Variants in ZNF839 observed in about 807,000 individuals in gnomAD.
The protein encoded by ZNF839 is zinc finger protein 839.
Under a neutral mutation model 56.4 loss-of-function variants are expected in ZNF839, and 38 were observed. That is an observed-to-expected ratio of 0.67 (90% confidence interval 0.52 to 0.88). The LOEUF (loss-of-function observed/expected upper bound fraction) is 0.88. Among genes scored for constraint, ZNF839 ranks in the 40% least tolerant of loss-of-function variants. The pLI, the probability that ZNF839 is intolerant of heterozygous loss-of-function variation, is 0.00. For missense variants in ZNF839, 1,091 were observed against 1,177.6 expected (o/e 0.93, Z 1.08); for synonymous variants, 486 against 493.5 (o/e 0.98, Z 0.20).
chr14:102,338,854 G>C lies in ZNF839; in HGVS notation c.1698G>C (p.Lys566Asn), dbSNP rs767502454. The change falls in exon 6 of 8, where the codon AAG becomes AAC. Residue 566 changes from lysine to asparagine, a missense_variant. Lys to Asn is a moderately conservative substitution (Grantham distance 94, BLOSUM62 0). Transcript: ENST00000442396. ...TAGGAATCACAGAATTCCTACGGAAGAAAGAAATACACCCAGACAACCTTG... is the reference window on the plus strand; with the variant it reads ...TAGGAATCACAGAATTCCTACGGAACAAAGAAATACACCCAGACAACCTTG... The part of the protein sequence containing the change: ...ESLGITEFLR[K>N]KEIHPDNLGP... 6.2e-7 allele frequency: 1 copy of C among 1,613,904 alleles called. No homozygotes were observed. Among genetic ancestry groups the C allele is most frequent in the Non-Finnish European group, 8.5e-7 (1 of 1,179,866 alleles).
chr14:102,319,609 C>A, upstream of ZNF839: 1 of 1,094,286 alleles, frequency 9.1e-7, no homozygotes, highest in Non-Finnish European at 1.2e-6. This position sits in a 1 kb window ranked among gnomAD's most constrained non-coding sequence, Gnocchi z 4.5. Flanking sequence ...CGGTTGTCGG[C>A]TGGGGCGGGG....
At chr14:102,327,226 C>G (rs1416918510) in intron 2 of ZNF839, among the ~76,000 whole-genome samples, 1 of 152,076 alleles carries the variant, frequency 6.6e-6, no homozygotes, top group Non-Finnish European at 1.5e-5. Flanking sequence ...CTGCAACCTC[C>G]GCCTCCCCAG....
chr14:102,339,349 G>A (rs1250390378), intron 7 of ZNF839, 126 bp downstream of exon 7: 3 of 1,307,908 alleles, frequency 2.3e-6, no homozygotes, highest in Non-Finnish European at 3.1e-6. Flanking sequence ...GGGACCCTCT[G>A]GTTTCTCAAG....
chr14:102,336,616 G>A (rs1359600536), intron 5 of ZNF839: 1 of 427,690 alleles, frequency 2.3e-6, no homozygotes, highest in Non-Finnish European at 4.6e-6. Flanking sequence ...TTTTCTTAAA[G>A]CAATAAATGC....
intron 4 of ZNF839, chr14:102,335,425 C>A (rs1015903147): frequency 1.1e-4 from 41 of 371,350 alleles, no homozygotes; most frequent in Non-Finnish European, 1.8e-4. Context: ...CTTCCCTTCC[C>A]ACCCTGTCCA....
At chr14:102,328,375 A>AAAAAATATATATAT (rs1197718891) in intron 2 of ZNF839, among the ~76,000 whole-genome samples, 1 of 16,342 alleles carries the variant, frequency 6.1e-5, no homozygotes, top group Admixed American at 9.0e-4. Context: ...AAAAAAAAAA[A>AAAAAATATATATAT]ATATATATAT....
chr14:102,338,767 G>C, intron 5 of ZNF839, 49 bp from the exon 6 acceptor site: 3 of 1,610,554 alleles, frequency 1.9e-6, no homozygotes, highest in Non-Finnish European at 2.5e-6. Flanking sequence ...GCTTCTGGGG[G>C]TGTGTGCTGT....
chr14:102,339,183 A>G lies in ZNF839; in HGVS notation c.1887A>G (p.Arg629=). 2 of 1,612,490 alleles carry G rather than the reference A, an allele frequency of 1.2e-6. No individual in the cohort carries two copies. Among genetic ancestry groups the G allele is most frequent in the Non-Finnish European group, 1.7e-6 (2 of 1,179,190 alleles). Residue 629 remains arginine, a synonymous_variant, in exon 7 of 8, where the codon AGA becomes AGG. Transcript: ENST00000442396. The part of the protein sequence containing the change: ...DTTESLAANS[R]GREKPRPLHA... The stretch of plus-strand genomic sequence containing the variant: ...CTGAATCTCTTGCTGCCAACAGCAG[A>G]GGCCGGGAGAAGCCCAGGCCCTTGC...
Position 102,341,672 on chromosome 14 carries a change from GC to G in ZNF839, c.2279del (p.Pro760ArgfsTer21). 6.2e-7 allele frequency: 1 copy of G among 1,614,016 alleles called. No individual in the cohort carries two copies. The highest frequency in any genetic ancestry group is 8.5e-7 in the Non-Finnish European group (1 of 1,179,886). ...CATCTGGTGGTGGAGCAGAGTCCCT[GC>G]CGCCTGGGGGGCCTGGACATGCAGA... Reference protein sequence around the residue: ...LSSGGGAESLPPGGPGHAEAG... With the variant: ...LSSGGGAESLXPGGPGHAEAG... On this transcript the variant is annotated frameshift_variant, in exon 8 of 8. Transcript: ENST00000442396. LOFTEE classifies it low-confidence loss of function (END_TRUNC).
intron 1 of ZNF839, among the ~76,000 whole-genome samples, chr14:102,325,433 G>A (rs980409120): frequency 2.6e-5 from 4 of 151,862 alleles, no homozygotes; most frequent in African/African-American, 9.7e-5. Context: ...TTTTATTTAT[G>A]TATGCAGATA....
In ZNF839 at chr14:102,338,895, G is replaced by A. The variant is rs1784030405; in HGVS notation, c.1739G>A (p.Ser580Asn). Residue 580 changes from serine (S) to asparagine (N), a missense_variant, in exon 6 of 8, where the codon AGC (serine) becomes AAC (asparagine). This residue lies in a region of ZNF839 where 431 missense variants were observed against 468.0 expected (regional missense o/e 0.92). Transcript: ENST00000442396. ...HPDNLGPKHL[S>N]RDMDGEQLEG... ...GACAACCTTGGACCCAAGCACCTCAGCCGAGACATGGATGGGGAGCAGCTA... is the reference window on the plus strand; with the variant it reads ...GACAACCTTGGACCCAAGCACCTCAACCGAGACATGGATGGGGAGCAGCTA... 6.2e-7 allele frequency: 1 copy of A among 1,613,984 alleles called. No individual in the cohort carries two copies. Among genetic ancestry groups the A allele is most frequent in the Non-Finnish European group, 8.5e-7 (1 of 1,179,900 alleles).
Position 102,326,159 on chromosome 14 carries a change from C to T in ZNF839, c.463C>T (p.Pro155Ser). ...IASPQLLRVQPLVRTEPQSCF... is the reference protein window; with the variant it reads ...IASPQLLRVQSLVRTEPQSCF... ...CAGCCCTCAGCTGCTCAGGGTACAG[C>T]CGCTTGTGAGAACCGAGCCACAGTC... Residue 155 changes from proline (P) to serine (S), a missense_variant, in exon 2 of 8, where the codon CCG (proline) becomes TCG (serine). This residue lies in a region of ZNF839 where 614 missense variants were observed against 629.2 expected (regional missense o/e 0.98). Coordinates refer to ENST00000442396, the MANE Select transcript of ZNF839 (RefSeq NM_018335.6). This position sits in a 1 kb window ranked among gnomAD's most constrained non-coding sequence, Gnocchi z 4.3. The T allele has an allele frequency of 1.2e-6, 2 of 1,613,852 alleles. No homozygotes were observed. Among genetic ancestry groups the T allele is most frequent in the Non-Finnish European group, 1.7e-6 (2 of 1,179,806 alleles).
chr14:102,320,414 C>A lies in ZNF839; in HGVS notation c.288+361C>A, dbSNP rs189515007. 2.0e-3 allele frequency among the ~76,000 whole-genome samples: 308 copies of A among 152,278 alleles called. 1 individual carries two copies. Among genetic ancestry groups the A allele is most frequent in the Non-Finnish European group, 3.3e-3 (224 of 68,014 alleles). On this transcript the variant is annotated intron_variant, in intron 1 of 7. Transcript: ENST00000442396. ...ACTTAGAGACCGTGTTCCCAGCACT[C>A]CCCACTATGTGCAGGAGGTGAAGCC...
intron 1 of ZNF839, among the ~76,000 whole-genome samples, chr14:102,320,797 G>T (rs201103324): frequency 6.6e-6 from 1 of 152,174 alleles, no homozygotes; most frequent in Admixed American, 6.5e-5. Flanking sequence ...TGGTTGCTAG[G>T]GGGGTGATAA....
At position 102,341,941 on chromosome 14, in the gene ZNF839, G is replaced by A; in HGVS notation, c.2546G>A (p.Cys849Tyr). 6.2e-7 allele frequency: 1 copy of A among 1,614,070 alleles called. No homozygotes were observed. The highest frequency in any genetic ancestry group is 2.2e-5 in the East Asian group (1 of 44,886). ...TCGGGGGACTTGAACCGGTTCCCCT[G>A]TGGGATGGAGGTGCACTCTGGCCAG... ...SLSGDLNRFP[C>Y]GMEVHSGQRE... Residue 849 changes from cysteine to tyrosine, a missense_variant, in exon 8 of 8, where the codon TGT (cysteine) becomes TAT (tyrosine). Transcript: ENST00000442396.
At position 102,332,918 on chromosome 14, in the gene ZNF839, AAAAC is replaced by A. The variant is rs1484076272; in HGVS notation, c.1416+1076_1416+1079del. On this transcript the variant is annotated intron_variant, in intron 3 of 7. Coordinates refer to ENST00000442396, the MANE Select transcript of ZNF839 (RefSeq NM_018335.6). This position sits in a 1 kb window ranked among gnomAD's most constrained non-coding sequence, Gnocchi z 4.9. ...AGAACGAGACTTCGTCTCAAAAACA[AAAAC>A]AAAAACAAAAAAAACTGTCAGTTGA... is the stretch of plus-strand genomic sequence containing the variant. Among the ~76,000 whole-genome samples the A allele has an allele frequency of 6.6e-6, 1 of 152,212 alleles. No individual in the cohort carries two copies. The highest frequency in any genetic ancestry group is 2.4e-5 in the African/African-American group (1 of 41,450).
intron 2 of ZNF839, among the ~76,000 whole-genome samples, chr14:102,329,700 A>G (rs1283208705): frequency 1.4e-5 from 2 of 142,254 alleles, no homozygotes; most frequent in African/African-American, 5.7e-5. Flanking sequence ...TATTAATTCT[A>G]ATATTTGTGT....
chr14:102,338,448 G>A (rs1237510641), intron 5 of ZNF839, among the ~76,000 whole-genome samples: 2 of 144,950 alleles, frequency 1.4e-5, no homozygotes, highest in African/African-American at 5.1e-5. Flanking sequence ...TGAAGCAGGA[G>A]AATCACTTGA....
At chr14:102,324,505 T>A (rs1003551953) in intron 1 of ZNF839, among the ~76,000 whole-genome samples, 1 of 152,138 alleles carries the variant, frequency 6.6e-6, no homozygotes, top group South Asian at 2.1e-4. Context: ...ATAGCGCCAC[T>A]GCATTCCAGC....
Sources: allele counts gnomAD v4.1 joint callset (sites outside exome capture counted in the v4.1 genomes callset), GRCh38; gene constraint gnomAD v4.1.1; regional missense constraint gnomAD v4.1.1; non-coding constraint Gnocchi (gnomAD v3.1); transcripts MANE v1.5; gene names NCBI Gene and HGNC (gene_info 2026-07-23, HGNC 2026-07-21).